The following ADSS2 variants were observed in gnomAD, a reference collection of about 807,000 sequenced individuals.
ADSS2 encodes adenylosuccinate synthase 2.
In ADSS2, 30 loss-of-function variants were observed where a neutral mutation model predicts 60.0. The ratio of observed to expected loss-of-function variants is 0.50; its 90% confidence interval spans 0.37 to 0.68. ADSS2 has a LOEUF of 0.68. Among genes scored for constraint, ADSS2 ranks in the 30% least tolerant of loss-of-function variants. The pLI, the probability that ADSS2 is intolerant of heterozygous loss-of-function variation, is 0.00. For missense variants in ADSS2, 373 were observed against 554.8 expected, an observed-to-expected ratio of 0.67 and a Z score of 3.29; for synonymous variants, 187 against 193.1, an observed-to-expected ratio of 0.97 and a Z score of 0.26.
chr1:244,428,143 ACT>A (rs560636358), intron 4 of ADSS2, among the ~76,000 whole-genome samples: 290 of 152,268 alleles, frequency 1.9e-3, no homozygotes, highest in African/African-American at 6.3e-3. Context: ...TTTAAAGAAC[ACT>A]CTACTCAACA....
At chr1:244,442,242 TACACACACACACAC>T (rs71739056) in intron 1 of ADSS2, among the ~76,000 whole-genome samples, 1 of 149,058 alleles carries the variant, frequency 6.7e-6, no homozygotes, top group African/African-American at 2.5e-5. Context: ...ATGGTTGCTC[TACACACACACACAC>T]ACACACACAC....
intron 1 of ADSS2, among the ~76,000 whole-genome samples, chr1:244,449,540 A>G (rs1665479646): frequency 6.6e-6 from 1 of 152,230 alleles, no homozygotes; most frequent in Admixed American, 6.5e-5. Context: ...GGGGAACTTC[A>G]TTAAGTAGAT....
intron 3 of ADSS2, 57 bp from the exon 4 acceptor site, chr1:244,432,652 CTTAAT>C: frequency 8.0e-6 from 5 of 624,534 alleles, no homozygotes; most frequent in South Asian, 1.8e-5. Context: ...GTTTTAAAAT[CTTAAT>C]TTCTTTTTTT....
intron 1 of ADSS2, among the ~76,000 whole-genome samples, chr1:244,442,978 T>C (rs1038545641): frequency 1.3e-5 from 2 of 152,140 alleles, no homozygotes; most frequent in African/African-American, 2.4e-5. Flanking sequence ...GAGCACCCCC[T>C]CAGTCTCCCA....
At chr1:244,412,962 C>T (rs918074285) in intron 11 of ADSS2, among the ~76,000 whole-genome samples, 2 of 152,178 alleles carry the variant, frequency 1.3e-5, no homozygotes, top group Non-Finnish European at 2.9e-5. Flanking sequence ...TCACCTTCCC[C>T]CTCCTGGCCA....
intron 1 of ADSS2, among the ~76,000 whole-genome samples, chr1:244,438,838 A>G (rs1665164819): frequency 6.6e-6 from 1 of 152,176 alleles, no homozygotes; most frequent in African/African-American, 2.4e-5. Flanking sequence ...CATATGAGTA[A>G]TAATTATATC....
intron 11 of ADSS2, 74 bp from the exon 12 acceptor site, chr1:244,411,510 T>C (rs1558267386): frequency 2.8e-6 from 4 of 1,422,740 alleles, no homozygotes; most frequent in Non-Finnish European, 2.8e-6. Flanking sequence ...ATATTGTAGG[T>C]TCAAAATGTC....
At position 244,451,867 on chromosome 1, in the gene ADSS2, T is replaced by G. The variant is rs1397444727; in HGVS notation, c.-50A>C. 2 of 1,489,442 alleles carry G rather than the reference T, an allele frequency of 1.3e-6. No homozygotes were observed. Among genetic ancestry groups the G allele is most frequent in the Non-Finnish European group, 8.9e-7 (1 of 1,120,102 alleles). The allele number at this position is 1,489,442 out of a possible 1,614,324, so 92.3% of individuals were successfully genotyped here. ...CGAAGGAGAGGCGGCCGGCGAGGAG[T>G]GAGCGAACTGAACTGCTCTGCGGCC... On this transcript the variant is annotated 5_prime_UTR_variant, in exon 1 of 13. Coordinates refer to ENST00000366535, the MANE Select transcript of ADSS2 (RefSeq NM_001126.5). This position sits in a 1 kb window ranked among gnomAD's most constrained non-coding sequence, Gnocchi z 6.6.
intron 1 of ADSS2, among the ~76,000 whole-genome samples, chr1:244,442,724 T>C (rs546141481): frequency 1.3e-5 from 2 of 152,174 alleles, no homozygotes; most frequent in Non-Finnish European, 2.9e-5. Context: ...AGGTAATCTA[T>C]ATAGGAAGCA....
chr1:244,410,681 T>C (rs1490660409), intron 12 of ADSS2, among the ~76,000 whole-genome samples: 1 of 151,658 alleles, frequency 6.6e-6, no homozygotes, highest in African/African-American at 2.4e-5. Flanking sequence ...TGAGGATTTG[T>C]TATTAAGAGG....
At chr1:244,412,867 T>C (rs973668601) in intron 11 of ADSS2, among the ~76,000 whole-genome samples, 3 of 152,154 alleles carry the variant, frequency 2.0e-5, no homozygotes, top group East Asian at 1.9e-4. Flanking sequence ...TTACTTCCTA[T>C]TAAAGGTTGT....
intron 2 of ADSS2, 68 bp from the exon 3 acceptor site, chr1:244,436,961 T>A (rs1374064777): frequency 3.7e-6 from 5 of 1,343,774 alleles, no homozygotes; most frequent in Non-Finnish European, 5.3e-6. Flanking sequence ...TTAAAGGACA[T>A]TCTGATTTAC....
At chr1:244,420,370 A>G (rs540303345) in intron 7 of ADSS2, 74 bp from the exon 8 acceptor site, 15 of 1,346,784 alleles carry the variant, frequency 1.1e-5, no homozygotes, top group African/African-American at 8.7e-5. Flanking sequence ...AGAATAAATT[A>G]CCTGACTTTA....
intron 1 of ADSS2, among the ~76,000 whole-genome samples, chr1:244,438,495 G>T (rs892753629): frequency 1.3e-5 from 2 of 152,166 alleles, no homozygotes; most frequent in Non-Finnish European, 2.9e-5. Flanking sequence ...ATTACAAAAA[G>T]TAGGTACAAA....
intron 3 of ADSS2, among the ~76,000 whole-genome samples, chr1:244,435,214 A>G (rs545102728): frequency 6.0e-5 from 9 of 149,144 alleles, no homozygotes; most frequent in African/African-American, 2.0e-4. Flanking sequence ...TGAACATACT[A>G]TAACAGTAAT....
intron 4 of ADSS2, among the ~76,000 whole-genome samples, chr1:244,428,939 A>G (rs991137003): frequency 4.6e-5 from 7 of 152,212 alleles, no homozygotes; most frequent in African/African-American, 1.7e-4. Flanking sequence ...TAAAACATTT[A>G]AAGAAGAAAT....
rs115639641 is a variant in ADSS2, at chr1:244,425,827, G to A, written c.407-1440C>T. ...GCAGTATCTGTCTTAGTGCCACACAGTTAGATAAAAGTAACATCTTTAAAG... is the reference window on the plus strand; with the variant it reads ...GCAGTATCTGTCTTAGTGCCACACAATTAGATAAAAGTAACATCTTTAAAG... On this transcript the variant is annotated intron_variant, in intron 4 of 12. Transcript: ENST00000366535. Among the ~76,000 whole-genome samples, 920 of 152,172 alleles carry A rather than the reference G, an allele frequency of 6.0e-3. 8 individuals are homozygous for A. Among genetic ancestry groups the A allele is most frequent in the African/African-American group, 0.021 (870 of 41,524 alleles).
rs1323018600 is a variant in ADSS2, at chr1:244,409,552, T to C, written c.*34A>G. 1.3e-6 allele frequency: 2 copies of C among 1,538,148 alleles called. No homozygotes were observed. The highest frequency in any genetic ancestry group is 3.4e-5 in the Admixed American group (2 of 58,020). ...ATTTAAGAAAGTCTTTTCCCCTCCCTCTCAAGGAGTGTTTCTTGCATTACT... is the reference window on the plus strand; with the variant it reads ...ATTTAAGAAAGTCTTTTCCCCTCCCCCTCAAGGAGTGTTTCTTGCATTACT... On this transcript the variant is annotated 3_prime_UTR_variant, in exon 13 of 13. Coordinates refer to ENST00000366535, the MANE Select transcript of ADSS2 (RefSeq NM_001126.5).
At chr1:244,435,810 G>GA (rs1665085787) in intron 3 of ADSS2, among the ~76,000 whole-genome samples, 1 of 152,210 alleles carries the variant, frequency 6.6e-6, no homozygotes, top group Admixed American at 6.5e-5. Context: ...AATACAGTGG[G>GA]AAAAATGTGT....
Sources: gnomAD v4.1 joint callset for allele counts (sites outside exome capture counted in the v4.1 genomes callset) on GRCh38, gnomAD v4.1.1 for gene constraint, Gnocchi (gnomAD v3.1) non-coding constraint, MANE v1.5 for transcripts, NCBI Gene and HGNC (gene_info 2026-07-23, HGNC 2026-07-21) for gene names.